The following GARRE1 variants were observed in gnomAD, a reference collection of about 807,000 sequenced individuals.
The protein encoded by GARRE1 is granule associated Rac and RHOG effector protein 1.
GARRE1 carries 49 observed loss-of-function variants against 103.2 expected under a neutral mutation model. The observed-to-expected ratio is 0.47, with a 90% CI of 0.38 to 0.60. The LOEUF is 0.60. GARRE1 is among the 20% of genes least tolerant of loss of function. The probability of loss-of-function intolerance (pLI) is 0.00; values close to 1 mark genes in which losing one functional copy is unlikely to be tolerated. For synonymous variants in GARRE1, 505 were observed against 532.8 expected, an observed-to-expected ratio of 0.95 and a Z score of 0.72; for missense variants, 1,199 against 1,370.5, an observed-to-expected ratio of 0.87 and a Z score of 1.98.
chr19:34,318,581 A>G (rs1250217466), intron 2 of GARRE1, among the ~76,000 whole-genome samples: 1 of 152,210 alleles, frequency 6.6e-6, no homozygotes, highest in African/African-American at 2.4e-5. Flanking sequence ...ATCTTCCACA[A>G]AAAATTATTA....
chr19:34,267,757 T>C (rs913372273), intron 1 of GARRE1, among the ~76,000 whole-genome samples: 3 of 151,478 alleles, frequency 2.0e-5, no homozygotes, highest in Non-Finnish European at 4.4e-5. Context: ...GAATAAATTA[T>C]ATAATTGCTT....
chr19:34,309,285 C>G (rs1599766958), intron 2 of GARRE1, among the ~76,000 whole-genome samples: 2 of 152,070 alleles, frequency 1.3e-5, no homozygotes, highest in African/African-American at 4.8e-5. Flanking sequence ...ATGTACTGTT[C>G]TAGATTAAAA....
chr19:34,305,798 C>T (rs1292369651), intron 2 of GARRE1, among the ~76,000 whole-genome samples: 1 of 152,220 alleles, frequency 6.6e-6, no homozygotes, highest in Admixed American at 6.5e-5. Flanking sequence ...GGAATTTTGA[C>T]TTGGCTTTCC....
chr19:34,268,077 T>TG (rs2073763675), intron 1 of GARRE1, among the ~76,000 whole-genome samples: 1 of 150,580 alleles, frequency 6.6e-6, no homozygotes, highest in East Asian at 2.0e-4. Flanking sequence ...TGGTGCTTTG[T>TG]GTTTTTTTTT....
chr19:34,328,677 A>C (rs1048394439), intron 6 of GARRE1, among the ~76,000 whole-genome samples: 1 of 152,044 alleles, frequency 6.6e-6, no homozygotes, highest in East Asian at 1.9e-4. Context: ...GATCTATCTC[A>C]GCTCACTGCA....
chr19:34,265,896 A>G (rs1399379104), intron 1 of GARRE1, among the ~76,000 whole-genome samples: 1 of 152,186 alleles, frequency 6.6e-6, no homozygotes, highest in Non-Finnish European at 1.5e-5. Context: ...TATTCAGCTG[A>G]TATTTACTAA....
At chr19:34,315,627 C>T (rs1322486713) in intron 2 of GARRE1, among the ~76,000 whole-genome samples, 2 of 140,572 alleles carry the variant, frequency 1.4e-5, no homozygotes, top group African/African-American at 5.3e-5. Flanking sequence ...AGGAGAATGG[C>T]ATGAACCCGC....
At chr19:34,269,122 A>G (rs2073770657) in intron 1 of GARRE1, among the ~76,000 whole-genome samples, 1 of 152,214 alleles carries the variant, frequency 6.6e-6, no homozygotes, top group African/African-American at 2.4e-5. Context: ...TTTGTAGATT[A>G]CCAAATATAA....
rs780635187 is a variant in GARRE1 at position 34,300,427 on chromosome 19, C to T, written c.-47C>T. On this transcript the variant is annotated 5_prime_UTR_variant, in exon 2 of 14. Transcript: ENST00000299505. Reference sequence around the variant, plus strand: ...AGCTACAGTTTTGAGAAAGAAGAATCAGAACCCTGACCCACTTACGGTTGC... The same window carrying T: ...AGCTACAGTTTTGAGAAAGAAGAATTAGAACCCTGACCCACTTACGGTTGC... The T allele has an allele frequency of 7.3e-6, 11 of 1,507,518 alleles. No individual in the cohort carries two copies. The South Asian group carries it at 1.5e-4, about 20-fold the overall frequency. 93.4% of individuals were successfully genotyped at this position (1,507,518 alleles called of 1,614,324 possible). A position where few individuals can be genotyped will look rare whatever the true frequency, so the allele number is the denominator to read the frequency against.
At chr19:34,279,277 T>G (rs1197940180) in intron 1 of GARRE1, among the ~76,000 whole-genome samples, 1 of 152,088 alleles carries the variant, frequency 6.6e-6, no homozygotes, top group African/African-American at 2.4e-5. Context: ...GCTTCCAATT[T>G]CTCCATGTCC....
intron 2 of GARRE1, among the ~76,000 whole-genome samples, chr19:34,309,220 A>T (rs1291775519): frequency 6.6e-6 from 1 of 152,198 alleles, no homozygotes; most frequent in Non-Finnish European, 1.5e-5. Context: ...ATATCCTGTA[A>T]TAAGTTGACC....
chr19:34,285,872 C>T lies in GARRE1; in HGVS notation c.-795-13807C>T, dbSNP rs533451546. Among the ~76,000 whole-genome samples, 23 of 152,280 alleles carry T rather than the reference C, an allele frequency of 1.5e-4. 1 individual carries two copies. The East Asian group carries it at 4.4e-3, about 29-fold the overall frequency. On this transcript the variant is annotated intron_variant, in intron 1 of 13. Coordinates refer to ENST00000299505, the MANE Select transcript of GARRE1 (RefSeq NM_014686.5). The stretch of plus-strand genomic sequence containing the variant: ...AAAGATCTGCACAGGAACACCAGAT[C>T]TGTTAAGAATTAGCGAAAACTAGTT...
intron 1 of GARRE1, among the ~76,000 whole-genome samples, chr19:34,286,421 G>T (rs984598843): frequency 6.6e-6 from 1 of 151,822 alleles, no homozygotes; most frequent in South Asian, 2.1e-4. Context: ...GGGTTTCACC[G>T]TGTTAGCCAG....
chr19:34,263,509 G>A (rs1190260783), intron 1 of GARRE1, among the ~76,000 whole-genome samples: 4 of 143,976 alleles, frequency 2.8e-5, no homozygotes, highest in Non-Finnish European at 3.0e-5. Flanking sequence ...ACAGAGTCTT[G>A]CTCTGTTGCC....
intron 11 of GARRE1, 68 bp downstream of exon 11, chr19:34,348,110 G>C (rs2074221155): frequency 7.7e-7 from 1 of 1,302,574 alleles, no homozygotes; most frequent in East Asian, 2.8e-5. Context: ...CCTGTGAGAA[G>C]AGAGGCTCCT....
At position 34,299,670 on chromosome 19, in the gene GARRE1, C is replaced by A. The variant is rs1015031800; in HGVS notation, c.-795-9C>A. ...CTTCCTCACTTTATCTTATTTTTCC[C>A]CCCGACAGGAAAGGACTTAGAAGCC... On this transcript the variant is annotated splice_polypyrimidine_tract_variant and intron_variant, in intron 1 of 13. Transcript: ENST00000299505. 2.0e-5 allele frequency: 3 copies of A among 152,074 alleles called. No homozygotes were observed. Among genetic ancestry groups the A allele is most frequent in the African/African-American group, 7.2e-5 (3 of 41,398 alleles). The allele number at this position is 152,074 out of a possible 1,614,324, so 9.4% of individuals were successfully genotyped here. A position where few individuals can be genotyped will look rare whatever the true frequency, so the allele number is the denominator to read the frequency against.
At chr19:34,291,148 TC>T (rs2073915684) in intron 1 of GARRE1, among the ~76,000 whole-genome samples, 1 of 152,166 alleles carries the variant, frequency 6.6e-6, no homozygotes, top group African/African-American at 2.4e-5. Context: ...CCTCAGGTGA[TC>T]CACCCACCTC....
chr19:34,322,713 C>G (rs1285124937), intron 3 of GARRE1, among the ~76,000 whole-genome samples: 3 of 151,456 alleles, frequency 2.0e-5, no homozygotes, highest in African/African-American at 7.3e-5. Flanking sequence ...TCAGCCTCCT[C>G]AGTAGCTGGG....
chr19:34,290,290 A>C (rs891531463), intron 1 of GARRE1, among the ~76,000 whole-genome samples: 2 of 152,092 alleles, frequency 1.3e-5, no homozygotes, highest in African/African-American at 2.4e-5. Context: ...CAGGAGGCGG[A>C]GCTTGCAGTG....
Sources: gnomAD v4.1 joint callset for allele counts (sites outside exome capture counted in the v4.1 genomes callset) on GRCh38, gnomAD v4.1.1 for gene constraint, MANE v1.5 for transcripts, NCBI Gene and HGNC (gene_info 2026-07-23, HGNC 2026-07-21) for gene names.